CHSY3: variants seen among roughly 807,000 people sequenced by gnomAD.
CHSY3 encodes N-acetylgalactosaminyl-proteoglycan 3-beta-glucuronosyltransferase 3.
A neutral mutation model predicts 67.2 loss-of-function variants in CHSY3; 35 were observed. The ratio of observed to expected loss-of-function variants is 0.52; its 90% CI spans 0.40 to 0.69. The LOEUF is 0.69. Among genes scored for constraint, CHSY3 ranks in the 30% least tolerant of loss-of-function variants. CHSY3 has a pLI of 0.00. For missense variants in CHSY3, 1,069 were observed against 1,138.5 expected, an observed-to-expected ratio of 0.94 and a Z score of 0.88; for synonymous variants, 474 against 434.7, an observed-to-expected ratio of 1.09 and a Z score of -1.12.
chr5:130,155,775 C>T (rs1009056890), intron 2 of CHSY3, among the ~76,000 whole-genome samples: 3 of 152,132 alleles, frequency 2.0e-5, no homozygotes, highest in African/African-American at 7.2e-5. Context: ...GCTTCTTTTT[C>T]AGAAGCTGAA....
intron 2 of CHSY3, among the ~76,000 whole-genome samples, chr5:129,970,344 A>G (rs1762601836): frequency 6.6e-6 from 1 of 151,558 alleles, no homozygotes; most frequent in South Asian, 2.1e-4. Context: ...GACTTTAGGG[A>G]TGGGTAGATG....
intron 2 of CHSY3, among the ~76,000 whole-genome samples, chr5:130,061,531 C>A (rs1245558991): frequency 6.6e-6 from 1 of 151,998 alleles, no homozygotes; most frequent in Non-Finnish European, 1.5e-5. Context: ...AAAGCAAATA[C>A]AGCAAAAACA....
At chr5:129,933,420 A>T (rs1279125192) in intron 2 of CHSY3, among the ~76,000 whole-genome samples, 1 of 152,198 alleles carries the variant, frequency 6.6e-6, no homozygotes, top group East Asian at 1.9e-4. Context: ...TACTCTGCTA[A>T]TGTTGGGAAA....
At chr5:130,027,142 G>A (rs1764569448) in intron 2 of CHSY3, among the ~76,000 whole-genome samples, 1 of 152,096 alleles carries the variant, frequency 6.6e-6, no homozygotes, top group South Asian at 2.1e-4. Flanking sequence ...TGAGACACAG[G>A]GAAGGAGTTT....
At chr5:130,117,191 G>T (rs1243475278) in intron 2 of CHSY3, among the ~76,000 whole-genome samples, 1 of 152,182 alleles carries the variant, frequency 6.6e-6, no homozygotes, top group African/African-American at 2.4e-5. Flanking sequence ...TGGTGCTGGA[G>T]CACAAGGAAT....
At chr5:130,039,081 A>AT (rs1413415477) in intron 2 of CHSY3, among the ~76,000 whole-genome samples, 1 of 152,064 alleles carries the variant, frequency 6.6e-6, no homozygotes, top group Non-Finnish European at 1.5e-5. Flanking sequence ...TTTTCAAGAC[A>AT]TTTTTCTTAT....
intron 2 of CHSY3, among the ~76,000 whole-genome samples, chr5:130,178,599 T>C (rs1026515465): frequency 1.3e-5 from 2 of 152,110 alleles, no homozygotes; most frequent in Non-Finnish European, 2.9e-5. Context: ...TTTCTGAAGA[T>C]AGTAATTCAT....
chr5:129,982,954 G>C (rs1416377204), intron 2 of CHSY3, among the ~76,000 whole-genome samples: 1 of 151,990 alleles, frequency 6.6e-6, no homozygotes, highest in Non-Finnish European at 1.5e-5. Context: ...TCAATACATG[G>C]TGGTGTTTAT....
At chr5:129,940,046 C>T (rs1761650092) in intron 2 of CHSY3, among the ~76,000 whole-genome samples, 1 of 151,986 alleles carries the variant, frequency 6.6e-6, no homozygotes, top group Admixed American at 6.6e-5. Flanking sequence ...TGAAAAAATT[C>T]TTTAGAGGCT....
intron 2 of CHSY3, among the ~76,000 whole-genome samples, chr5:130,032,728 G>T (rs928866660): frequency 6.6e-6 from 1 of 152,126 alleles, no homozygotes; most frequent in East Asian, 1.9e-4. Context: ...GAATGAGAGA[G>T]AGGTGTATGC....
intron 2 of CHSY3, among the ~76,000 whole-genome samples, chr5:129,936,000 A>T (rs1307294451): frequency 6.6e-6 from 1 of 152,240 alleles, no homozygotes; most frequent in Non-Finnish European, 1.5e-5. Context: ...GGCTGAAAAA[A>T]AATCTGAATT....
chr5:129,915,600 AGTCAGTGGT>A (rs1390426920), intron 2 of CHSY3, among the ~76,000 whole-genome samples: 4 of 152,218 alleles, frequency 2.6e-5, no homozygotes, highest in Non-Finnish European at 4.4e-5. Flanking sequence ...CATTCTTCAC[AGTCAGTGGT>A]ATCTGAACAT....
intron 2 of CHSY3, among the ~76,000 whole-genome samples, chr5:130,172,578 G>T (rs1336586693): frequency 6.6e-6 from 1 of 152,082 alleles, no homozygotes; most frequent in Non-Finnish European, 1.5e-5. Flanking sequence ...CAACCTGCCT[G>T]TCTCATCCTC....
intron 2 of CHSY3, among the ~76,000 whole-genome samples, chr5:129,909,532 T>A (rs1395250151): frequency 2.0e-5 from 3 of 152,080 alleles, no homozygotes; most frequent in Admixed American, 1.3e-4. Context: ...GAAAGTAAAA[T>A]TTATTAGTCA....
At chr5:129,957,025 A>G (rs1403158180) in intron 2 of CHSY3, among the ~76,000 whole-genome samples, 2 of 152,056 alleles carry the variant, frequency 1.3e-5, no homozygotes, top group African/African-American at 4.8e-5. Context: ...GTTTAATAGG[A>G]ATAGCATTGA....
intron 2 of CHSY3, among the ~76,000 whole-genome samples, chr5:130,136,376 C>G (rs1198105579): frequency 6.6e-6 from 1 of 152,074 alleles, no homozygotes; most frequent in East Asian, 1.9e-4. Flanking sequence ...GCAAAGAAAC[C>G]TAAGGGACAG....
At chr5:130,074,334 G>A (rs892066342) in intron 2 of CHSY3, among the ~76,000 whole-genome samples, 3 of 152,094 alleles carry the variant, frequency 2.0e-5, no homozygotes, top group Non-Finnish European at 4.4e-5. Context: ...GCCTCCCAAT[G>A]TGCTGGGATT....
In CHSY3 at chr5:129,908,342, G is replaced by A. The variant is rs757065986; in HGVS notation, c.1068G>A (p.Gln356=). 2.5e-6 allele frequency: 4 copies of A among 1,613,994 alleles called. No individual in the cohort carries two copies. The highest frequency in any genetic ancestry group is 3.4e-6 in the Non-Finnish European group (4 of 1,179,852). ...GCGTTCGCCGTTTTGGTGGGACTCA[G>A]TGTGTCTGGTCTTACGAGGTAAGCA... is the stretch of plus-strand genomic sequence containing the variant. ...GRCVRRFGGT[Q]CVWSYEMQQL... is the part of the protein sequence containing the mutation. The change falls in exon 2 of 3, where the codon CAG becomes CAA. Residue 356 remains glutamine, a synonymous_variant. Transcript: ENST00000305031.
intron 2 of CHSY3, among the ~76,000 whole-genome samples, chr5:130,160,895 A>ATTTATTTTTTTTTT (rs1769514624): frequency 7.0e-6 from 1 of 142,428 alleles, no homozygotes; most frequent in African/African-American, 2.7e-5. Context: ...TTATTTATTT[A>ATTTATTTTTTTTTT]TTTTTTTTTT....
Sources: gnomAD v4.1 joint callset for allele counts (sites outside exome capture counted in the v4.1 genomes callset) on GRCh38, gnomAD v4.1.1 for gene constraint, MANE v1.5 for transcripts, NCBI Gene and HGNC (gene_info 2026-07-23, HGNC 2026-07-21) for gene names.